CPSF3: variants seen among roughly 807,000 people sequenced by gnomAD.
CPSF3 encodes the protein cleavage and polyadenylation specific factor 3.
In CPSF3, 57 loss-of-function variants were observed where a neutral mutation model predicts 84.1. That is an observed-to-expected ratio of 0.68 (90% confidence interval 0.55 to 0.85). The LOEUF is 0.85. Ranked by LOEUF, CPSF3 falls within the 40% of genes least tolerant of loss-of-function variation. The pLI is 0.00. For synonymous variants in CPSF3, 275 were observed against 278.1 expected (o/e 0.99, Z 0.11); for missense variants, 522 against 838.8 (o/e 0.62, Z 4.66).
intron 11 of CPSF3, among the ~76,000 whole-genome samples, chr2:9,450,177 A>G (rs567970059): frequency 0.026 from 3,430 of 130,914 alleles, 47 homozygotes; most frequent in Middle Eastern, 0.037. Flanking sequence ...TTTTAGAAGG[A>G]GTCTTGCTCT....
intron 6 of CPSF3, among the ~76,000 whole-genome samples, chr2:9,434,470 T>C (rs551491113): frequency 6.6e-6 from 1 of 152,348 alleles, no homozygotes; most frequent in African/African-American, 2.4e-5. Context: ...GATGCCAGGC[T>C]GCCTCTGGGC....
chr2:9,457,913 C>T (rs942869229), intron 14 of CPSF3, among the ~76,000 whole-genome samples: 2 of 152,024 alleles, frequency 1.3e-5, no homozygotes, highest in East Asian at 3.9e-4. Context: ...TGCCACCATG[C>T]CCAGCTAATT....
chr2:9,472,834 T>G, intron 17 of CPSF3, 82 bp from the exon 18 acceptor site: 1 of 995,450 alleles, frequency 1.0e-6, no homozygotes, highest in Non-Finnish European at 1.6e-6. Context: ...GAGATGATGG[T>G]TTTTTTAAAG....
In CPSF3 at chr2:9,443,590, AT is replaced by A. The variant is rs1681026086; in HGVS notation, c.1174del (p.Ser392LeufsTer18). 6.2e-7 allele frequency: 1 copy of A among 1,613,982 alleles called. No homozygotes were observed. The highest frequency in any genetic ancestry group is 1.3e-5 in the African/African-American group (1 of 74,894). ...KLPLKMSVDY[I>X]SFSAHTDYQQ... is the part of the protein sequence containing the mutation. ...ACCACTGAAAATGTCTGTTGATTAC[AT>A]TTCTTTCTCAGCTCACACGGATTAC... On this transcript the variant is annotated frameshift_variant, in exon 10 of 18. Coordinates refer to ENST00000238112, the MANE Select transcript of CPSF3 (RefSeq NM_016207.4). LOFTEE classifies it high-confidence loss of function.
intron 13 of CPSF3, among the ~76,000 whole-genome samples, chr2:9,456,211 G>C (rs914012896): frequency 2.0e-5 from 3 of 152,156 alleles, no homozygotes; most frequent in African/African-American, 7.2e-5. Context: ...AAAGGCCAGT[G>C]AGAAAATAAA....
chr2:9,472,835 T>G, intron 17 of CPSF3, 81 bp from the exon 18 acceptor site: 1 of 1,004,584 alleles, frequency 1.0e-6, no homozygotes, highest in Non-Finnish European at 1.5e-6. Flanking sequence ...AGATGATGGT[T>G]TTTTTAAAGA....
chr2:9,426,636 G>A (rs1290611821), intron 1 of CPSF3, among the ~76,000 whole-genome samples: 1 of 152,140 alleles, frequency 6.6e-6, no homozygotes, highest in Non-Finnish European at 1.5e-5. Context: ...GGCAGAGGTG[G>A]CTGAATATGT....
At chr2:9,455,858 G>T in intron 13 of CPSF3, 101 bp downstream of exon 13, 1 of 804,170 alleles carries the variant, frequency 1.2e-6, no homozygotes, top group Non-Finnish European at 1.9e-6. Flanking sequence ...AATTGTCTCA[G>T]AATTGTGTAA....
intron 17 of CPSF3, 32 bp from the exon 18 acceptor site, chr2:9,472,884 T>G: frequency 7.5e-7 from 1 of 1,333,826 alleles, no homozygotes; most frequent in Non-Finnish European, 1.1e-6. Context: ...ATAGACTTAA[T>G]TCTAACAGTC....
chr2:9,434,667 TTTTG>T (rs1216159224), intron 6 of CPSF3, among the ~76,000 whole-genome samples: 3 of 152,168 alleles, frequency 2.0e-5, no homozygotes, highest in African/African-American at 7.2e-5. Flanking sequence ...TAACTTATCG[TTTTG>T]TTTATCTTTG....
chr2:9,442,259 A>G (rs540504988), intron 9 of CPSF3, among the ~76,000 whole-genome samples: 2 of 152,256 alleles, frequency 1.3e-5, no homozygotes, highest in Non-Finnish European at 2.9e-5. Flanking sequence ...TTTGAGACAA[A>G]CACGTGAATA....
chr2:9,452,776 G>GT (rs1184046016), intron 11 of CPSF3, 137 bp from the exon 12 acceptor site: 3 of 625,046 alleles, frequency 4.8e-6, no homozygotes, highest in Non-Finnish European at 8.5e-6. Context: ...AACATTTTAT[G>GT]TTTTTCGTGG....
intron 7 of CPSF3, among the ~76,000 whole-genome samples, chr2:9,437,833 T>C (rs572770897): frequency 6.6e-6 from 1 of 152,290 alleles, no homozygotes; most frequent in East Asian, 1.9e-4. Context: ...AGACCCTGTC[T>C]CTACAAAAAA....
chr2:9,444,173 G>C (rs926136246), intron 10 of CPSF3, among the ~76,000 whole-genome samples: 1 of 53,346 alleles, frequency 1.9e-5, no homozygotes, highest in Non-Finnish European at 4.5e-5. Flanking sequence ...TTTTTTTTTT[G>C]AGGCGGAGTC....
At chr2:9,466,430 ACG>A (rs1404893434) in intron 15 of CPSF3, among the ~76,000 whole-genome samples, 3 of 148,206 alleles carry the variant, frequency 2.0e-5, no homozygotes, top group East Asian at 1.9e-4. Context: ...ACGCGCACAC[ACG>A]CGCACACACA....
chr2:9,453,165 GT>G, intron 12 of CPSF3, 144 bp downstream of exon 12: 1 of 554,598 alleles, frequency 1.8e-6, no homozygotes. Context: ...AATTAGCTTT[GT>G]GGGGAGAGAA....
chr2:9,436,120 T>G, intron 6 of CPSF3, 91 bp from the exon 7 acceptor site: 1 of 1,076,254 alleles, frequency 9.3e-7, no homozygotes, highest in South Asian at 1.9e-5. Flanking sequence ...AGAAGTGAAT[T>G]GCTTAGCCCC....
intron 2 of CPSF3, among the ~76,000 whole-genome samples, chr2:9,429,634 GA>G (rs1680507193): frequency 6.6e-6 from 1 of 152,118 alleles, no homozygotes; most frequent in South Asian, 2.1e-4. Flanking sequence ...CAAAGTTTTT[GA>G]AAAAGATTTA....
intron 15 of CPSF3, among the ~76,000 whole-genome samples, chr2:9,461,887 G>C (rs1009878336): frequency 6.6e-6 from 1 of 151,646 alleles, no homozygotes; most frequent in East Asian, 2.0e-4. Context: ...TCAGCCTCCT[G>C]AGTAGCTGGG....
Sources: allele counts gnomAD v4.1 joint callset (sites outside exome capture counted in the v4.1 genomes callset), GRCh38; gene constraint gnomAD v4.1.1; transcripts MANE v1.5; gene names NCBI Gene and HGNC (gene_info 2026-07-23, HGNC 2026-07-21).